Variants in SVEP1 observed in about 807,000 individuals in gnomAD.
SVEP1 encodes sushi, von Willebrand factor type A, EGF and pentraxin domain containing 1, also known as sushi, von Willebrand factor type A, EGF and pentraxin domain-containing protein 1.
A neutral mutation model predicts 367.3 loss-of-function variants in SVEP1; 164 were observed. That is an observed-to-expected ratio of 0.45 (90% confidence interval 0.39 to 0.51). The LOEUF (loss-of-function observed/expected upper bound fraction) is 0.51, where lower values mean the gene tolerates loss of function less well. Among genes scored for constraint, SVEP1 ranks in the 20% least tolerant of loss-of-function variants. The pLI is 0.00. For synonymous variants in SVEP1, 1,666 were observed against 1,611.6 expected (o/e 1.03, Z -0.81); for missense variants, 4,117 against 4,425.3 (o/e 0.93, Z 1.98).
At chr9:110,433,968 T>C (rs1470584176) in intron 30 of SVEP1, among the ~76,000 whole-genome samples, 1 of 152,174 alleles carries the variant, frequency 6.6e-6, no homozygotes, top group East Asian at 1.9e-4. Flanking sequence ...GCCTAGCACA[T>C]AATAGGTACT....
rs777457734 is a variant in SVEP1 at position 110,408,256 on chromosome 9, A to G, written c.7344T>C (p.Asn2448=). 6.2e-6 allele frequency: 10 copies of G among 1,613,870 alleles called. No individual in the cohort carries two copies. Among genetic ancestry groups the G allele is most frequent in the Non-Finnish European group, 8.5e-6 (10 of 1,179,902 alleles). ...CAAGGCCTTGCACATCAATGATTCC[A>G]TTGGGGATTTCCTCAGGTTGGGGAC... ...VECPQPEEIP[N]GIIDVQGLAY... The change falls in exon 38 of 48, where the codon AAT becomes AAC. Residue 2448 remains asparagine (N), a synonymous_variant. Coordinates refer to ENST00000374469, the MANE Select transcript of SVEP1 (RefSeq NM_153366.4).
chr9:110,512,623 C>G (rs1186419214), intron 5 of SVEP1, among the ~76,000 whole-genome samples: 1 of 152,144 alleles, frequency 6.6e-6, no homozygotes, highest in African/African-American at 2.4e-5. Flanking sequence ...TTATTCTAAA[C>G]TCTCCTTTAT....
At chr9:110,575,259 T>C (rs1371576876) in intron 1 of SVEP1, among the ~76,000 whole-genome samples, 1 of 152,210 alleles carries the variant, frequency 6.6e-6, no homozygotes, top group African/African-American at 2.4e-5. Flanking sequence ...AGGGGAAAGC[T>C]GAAGACAGAG....
At chr9:110,455,450 T>C in intron 22 of SVEP1, 140 bp downstream of exon 22, 1 of 641,066 alleles carries the variant, frequency 1.6e-6, no homozygotes, top group Non-Finnish European at 2.5e-6. Flanking sequence ...TGCAAATAAG[T>C]AATATTAGAA....
At chr9:110,391,974 T>C (rs1362943853) in intron 40 of SVEP1, among the ~76,000 whole-genome samples, 1 of 151,738 alleles carries the variant, frequency 6.6e-6, no homozygotes, top group Non-Finnish European at 1.5e-5. Context: ...GGGACTCATC[T>C]CCTCCTCTAT....
At chr9:110,561,688 A>G (rs960377036) in intron 1 of SVEP1, among the ~76,000 whole-genome samples, 1 of 152,234 alleles carries the variant, frequency 6.6e-6, no homozygotes, top group Admixed American at 6.5e-5. Context: ...GTATTATTTG[A>G]TGACACAACC....
chr9:110,407,847 C>T lies in SVEP1; in HGVS notation c.7753G>A (p.Gly2585Arg). Residue 2585 changes from glycine (G) to arginine (R), a missense_variant, in exon 38 of 48, where the codon GGG (glycine) becomes AGG (arginine). Transcript: ENST00000374469. The stretch of plus-strand genomic sequence containing the variant: ...ATGGCATGACCAGCCACCTGAAACC[C>T]AGGGAAGCAACTGTAGATGATTATG... ...GAIIIYSCFP[G>R]FQVAGHAMQT... 1.2e-6 allele frequency: 2 copies of T among 1,613,992 alleles called. No individual in the cohort carries two copies. The highest frequency in any genetic ancestry group is 1.7e-6 in the Non-Finnish European group (2 of 1,179,892).
intron 36 of SVEP1, among the ~76,000 whole-genome samples, chr9:110,425,753 A>G (rs1317405116): frequency 2.0e-5 from 3 of 152,212 alleles, no homozygotes; most frequent in African/African-American, 7.2e-5. Context: ...GAGGATGTGT[A>G]TGATTTGTGA....
intron 3 of SVEP1, 177 bp from the exon 4 acceptor site, chr9:110,514,283 G>A (rs1185798839): frequency 1.5e-5 from 11 of 727,890 alleles, no homozygotes; most frequent in East Asian, 1.5e-4. Flanking sequence ...AAGCAGAGGC[G>A]GGTGGATCAC....
chr9:110,381,284 T>C (rs1413611662), intron 43 of SVEP1, among the ~76,000 whole-genome samples: 2 of 152,210 alleles, frequency 1.3e-5, no homozygotes, highest in African/African-American at 4.8e-5. Context: ...CTAGTTCTTT[T>C]AGTTGTGATG....
chr9:110,388,067 TAGAGAAGTTAA>T (rs1334377944), intron 41 of SVEP1, among the ~76,000 whole-genome samples: 1 of 152,140 alleles, frequency 6.6e-6, no homozygotes, highest in African/African-American at 2.4e-5. Context: ...AAGTGAGGCT[TAGAGAAGTTAA>T]ATAATTTGGT....
chr9:110,495,972 T>G (rs560590978), intron 8 of SVEP1, among the ~76,000 whole-genome samples: 1 of 152,294 alleles, frequency 6.6e-6, no homozygotes, highest in South Asian at 2.1e-4. Context: ...TTTCTTTTCT[T>G]AAAAGATCCT....
intron 36 of SVEP1, among the ~76,000 whole-genome samples, chr9:110,412,025 T>A (rs1470153353): frequency 6.6e-6 from 1 of 152,198 alleles, no homozygotes; most frequent in Non-Finnish European, 1.5e-5. Flanking sequence ...ATGACTTGCA[T>A]TTGAGATATA....
In SVEP1 at chr9:110,411,015, T is replaced by C. The variant is rs199771926; in HGVS notation, c.6648+48A>G. The C allele has an allele frequency of 2.2e-5, 33 of 1,481,778 alleles. No individual in the cohort carries two copies. The Admixed American group carries it at 7.0e-4, about 32-fold the overall frequency. 91.8% of individuals were successfully genotyped at this position (1,481,778 alleles called of 1,614,324 possible). ...ATTTGTTTTGTTTATTTATTTATTA[T>C]GGGCCCTGTGACAAAAGCCACAGAC... is the stretch of plus-strand genomic sequence containing the variant. On this transcript the variant is annotated intron_variant, in intron 37 of 47. Transcript: ENST00000374469.
chr9:110,394,557 C>G (rs913570167), intron 40 of SVEP1, among the ~76,000 whole-genome samples: 2 of 152,146 alleles, frequency 1.3e-5, no homozygotes, highest in African/African-American at 4.8e-5. Flanking sequence ...CTACTCTCAG[C>G]TACAGGAGGA....
chr9:110,494,756 G>C (rs10980409), intron 8 of SVEP1, among the ~76,000 whole-genome samples: 1 of 150,858 alleles, frequency 6.6e-6, no homozygotes, highest in Non-Finnish European at 1.5e-5. Context: ...ATATAGTGGG[G>C]TTTTTTTCCC....
At chr9:110,564,747 G>T (rs1182326400) in intron 1 of SVEP1, among the ~76,000 whole-genome samples, 1 of 151,364 alleles carries the variant, frequency 6.6e-6, no homozygotes, top group Admixed American at 6.6e-5. Flanking sequence ...TTAAGAAACT[G>T]AAATTAAAAC....
intron 3 of SVEP1, among the ~76,000 whole-genome samples, chr9:110,517,733 G>A (rs1588089639): frequency 9.6e-6 from 1 of 104,562 alleles, no homozygotes. Flanking sequence ...CTGGATGATA[G>A]ACCAAGAACC....
chr9:110,401,227 T>C (rs1827856098), intron 39 of SVEP1, among the ~76,000 whole-genome samples: 1 of 152,188 alleles, frequency 6.6e-6, no homozygotes, highest in Non-Finnish European at 1.5e-5. Flanking sequence ...ATTTTAGACA[T>C]TTCTTAAGCC....
Sources: allele counts gnomAD v4.1 joint callset (sites outside exome capture counted in the v4.1 genomes callset), GRCh38; gene constraint gnomAD v4.1.1; transcripts MANE v1.5; gene names NCBI Gene and HGNC (gene_info 2026-07-23, HGNC 2026-07-21).